TRPM1: variants seen among roughly 807,000 people sequenced by gnomAD.
TRPM1 encodes TRPM1-203 APA Isoform, Intron 10.
A neutral mutation model predicts 149.4 loss-of-function variants in TRPM1; 113 were observed. The ratio of observed to expected loss-of-function variants is 0.76; its 90% CI spans 0.65 to 0.88. The LOEUF (loss-of-function observed/expected upper bound fraction) is 0.88. Among genes scored for constraint, TRPM1 ranks in the 40% least tolerant of loss-of-function variants. TRPM1 has a pLI of 0.00. For missense variants in TRPM1, 1,976 were observed against 2,038.7 expected (o/e 0.97, Z 0.59); for synonymous variants, 741 against 759.5 (o/e 0.98, Z 0.40).
At chr15:31,041,803 AT>A in intron 17 of TRPM1, 147 bp downstream of exon 17, 1 of 874,624 alleles carries the variant, frequency 1.1e-6, no homozygotes, top group Non-Finnish European at 1.8e-6. Flanking sequence ...AGAAAGAAAA[AT>A]GCTGACATGA....
rs577166750 is a variant in TRPM1 at position 31,118,988 on chromosome 15, C to G, written c.54+41918G>C. Among the ~76,000 whole-genome samples the G allele has an allele frequency of 2.6e-5, 4 of 152,116 alleles. No homozygotes were observed. In the East Asian group the frequency reaches 7.7e-4, roughly 29 times the overall value. On this transcript the variant is annotated intron_variant, in intron 1 of 26. Coordinates refer to the TRPM1 transcript ENST00000542188. The stretch of plus-strand genomic sequence containing the variant: ...GGCGCAGTGGTTCATGCCTGTAATC[C>G]CAGCACTTTGGGAGGCCGAGGTGGG...
chr15:31,150,673 A>T (rs2036289511), intron 1 of TRPM1, among the ~76,000 whole-genome samples: 1 of 152,030 alleles, frequency 6.6e-6, no homozygotes, highest in South Asian at 2.1e-4. Context: ...TGACCTCGTG[A>T]TCCACCCGCC....
chr15:31,058,607 T>A (rs971060937), intron 11 of TRPM1, among the ~76,000 whole-genome samples: 1 of 152,364 alleles, frequency 6.6e-6, no homozygotes, highest in African/African-American at 2.4e-5. Context: ...GATATGTACA[T>A]GTTCATCATG....
chr15:31,131,177 T>C (rs2036011002), intron 1 of TRPM1, among the ~76,000 whole-genome samples: 1 of 152,058 alleles, frequency 6.6e-6, no homozygotes, highest in Non-Finnish European at 1.5e-5. Context: ...AGCCTATCTG[T>C]GTTGTTTACA....
chr15:31,030,176 A>G (rs1025792127), intron 23 of TRPM1, among the ~76,000 whole-genome samples: 5 of 152,236 alleles, frequency 3.3e-5, no homozygotes, highest in Non-Finnish European at 5.9e-5. Context: ...CCTACATTCC[A>G]TATGAGAGGA....
At chr15:31,047,089 C>T in intron 15 of TRPM1, 22 bp downstream of exon 15, 1 of 1,614,230 alleles carries the variant, frequency 6.2e-7, no homozygotes, top group East Asian at 2.2e-5. Context: ...CCACAGAACA[C>T]TACACAGGCA....
At chr15:31,125,521 G>A (rs925035831) in intron 1 of TRPM1, among the ~76,000 whole-genome samples, 8 of 150,726 alleles carry the variant, frequency 5.3e-5, no homozygotes, top group Non-Finnish European at 8.9e-5. Context: ...ACGAGGTCAG[G>A]AGATCGAGAC....
At chr15:31,098,602 G>C (rs1289272504) in intron 1 of TRPM1, among the ~76,000 whole-genome samples, 1 of 152,106 alleles carries the variant, frequency 6.6e-6, no homozygotes, top group Non-Finnish European at 1.5e-5. Flanking sequence ...ACAAAAAAGG[G>C]CACTGTGGCC....
rs976197806 is a variant in TRPM1 at position 31,099,665 on chromosome 15, T to G, written c.-84+1992A>C. Among the ~76,000 whole-genome samples the G allele has an allele frequency of 1.5e-4, 23 of 152,034 alleles. 1 individual carries two copies. Among genetic ancestry groups the G allele is most frequent in the Admixed American group, 1.2e-3 (18 of 15,260 alleles). ...GCCAAACCAAACACAACTCCAAACT[T>G]CTCCCAGAAAATAATCAATAAAACA... On this transcript the variant is annotated intron_variant, in intron 1 of 27. Transcript: ENST00000256552.
At chr15:31,079,172 C>G (rs2034790374) in intron 2 of TRPM1, among the ~76,000 whole-genome samples, 1 of 152,196 alleles carries the variant, frequency 6.6e-6, no homozygotes, top group African/African-American at 2.4e-5. Context: ...TACATATACA[C>G]ATATATAGAG....
upstream of TRPM1, among the ~76,000 whole-genome samples, chr15:31,104,369 C>T (rs765101278): frequency 9.9e-5 from 15 of 152,132 alleles, no homozygotes; most frequent in Non-Finnish European, 1.9e-4. Context: ...CTGAGATGAG[C>T]CAGCAATATT....
At chr15:31,086,487 G>A (rs2035003215) in intron 1 of TRPM1, among the ~76,000 whole-genome samples, 1 of 152,222 alleles carries the variant, frequency 6.6e-6, no homozygotes. Flanking sequence ...GGGCTTTTTG[G>A]CATCATGCTC....
In TRPM1 at chr15:31,002,341, A is replaced by G; in HGVS notation, c.4359T>C (p.Ala1453=). 2 of 1,614,214 alleles carry G rather than the reference A, an allele frequency of 1.2e-6. No individual in the cohort carries two copies. Among genetic ancestry groups the G allele is most frequent in the Non-Finnish European group, 8.5e-7 (1 of 1,180,042 alleles). ...AGCTTCTGGACTTCATTGTTTTACA[A>G]GCATTGATCGTTTCATCGGGGAAAT... ...TRYFPDETIN[A]CKTMKSRSFV... is the part of the protein sequence containing the mutation. Residue 1453 remains alanine, a synonymous_variant, in exon 28 of 28, where the codon GCT becomes GCC. Transcript: ENST00000256552.
At chr15:31,008,224 G>A (rs1014245348) in intron 27 of TRPM1, among the ~76,000 whole-genome samples, 1 of 152,140 alleles carries the variant, frequency 6.6e-6, no homozygotes, top group Admixed American at 6.6e-5. Flanking sequence ...AAGACTTCCA[G>A]TACACTGTTG....
At chr15:31,096,739 T>C (rs978040950) in intron 1 of TRPM1, among the ~76,000 whole-genome samples, 1 of 152,222 alleles carries the variant, frequency 6.6e-6, no homozygotes, top group Non-Finnish European at 1.5e-5. Context: ...ATGTTCTCTG[T>C]CCTTTGCTAC....
rs763615779 is a variant in TRPM1, at chr15:31,069,969, G to A, written c.279+62C>T. ...ACCAGGTATCTGCAGTTTGGGGCTGGGAGACTGGCCGCCAATGAAAGCTGT... is the reference window on the plus strand; with the variant it reads ...ACCAGGTATCTGCAGTTTGGGGCTGAGAGACTGGCCGCCAATGAAAGCTGT... On this transcript the variant is annotated intron_variant, in intron 4 of 27. Coordinates refer to ENST00000256552, the MANE Select transcript of TRPM1 (RefSeq NM_001252024.2). 7 of 1,613,844 alleles carry A rather than the reference G, an allele frequency of 4.3e-6. No homozygotes were observed. In the Admixed American group the frequency reaches 8.3e-5, roughly 19 times the overall value.
At chr15:31,120,971 G>A (rs1431500884) in intron 1 of TRPM1, among the ~76,000 whole-genome samples, 1 of 152,156 alleles carries the variant, frequency 6.6e-6, no homozygotes, top group Non-Finnish European at 1.5e-5. Flanking sequence ...GCTCACGCCT[G>A]TAATCCCAGC....
At chr15:31,113,862 C>CT (rs762400054) in intron 1 of TRPM1, among the ~76,000 whole-genome samples, 2 of 152,174 alleles carry the variant, frequency 1.3e-5, no homozygotes, top group East Asian at 3.9e-4. Context: ...CTCCCACACG[C>CT]TGGAAGGGTA....
chr15:31,102,863 C>T (rs1306145397), upstream of TRPM1, among the ~76,000 whole-genome samples: 2 of 152,240 alleles, frequency 1.3e-5, no homozygotes, highest in East Asian at 1.9e-4. Flanking sequence ...GCACAATGAC[C>T]GCAGCAGCCT....
Sources: gnomAD v4.1 joint callset for allele counts (sites outside exome capture counted in the v4.1 genomes callset) on GRCh38, gnomAD v4.1.1 for gene constraint, MANE v1.5 for transcripts, NCBI Gene and HGNC (gene_info 2026-07-23, HGNC 2026-07-21) for gene names.